DNAJC18: variants seen among roughly 807,000 people sequenced by gnomAD.
The protein encoded by DNAJC18 is dnaJ homolog subfamily C member 18.
A neutral mutation model predicts 48.6 loss-of-function variants in DNAJC18; 40 were observed. That is an observed-to-expected ratio of 0.82 (90% confidence interval 0.64 to 1.07). DNAJC18 has a LOEUF of 1.07. Ranked by LOEUF, DNAJC18 falls within the 50% of genes least tolerant of loss-of-function variation. The pLI is 0.00. For missense variants in DNAJC18, 340 were observed against 427.7 expected (o/e 0.79, Z 1.81); for synonymous variants, 135 against 152.2 (o/e 0.89, Z 0.83).
At chr5:139,422,686 G>GTT (rs1332970893) in intron 6 of DNAJC18, 22 bp downstream of exon 6, 1 of 1,543,484 alleles carries the variant, frequency 6.5e-7, no homozygotes, top group Non-Finnish European at 8.9e-7. Context: ...TACTGAGAAA[G>GTT]ATTTAGAAAT....
At chr5:139,421,365 C>CT (rs1171658604) in intron 6 of DNAJC18, among the ~76,000 whole-genome samples, 1 of 152,126 alleles carries the variant, frequency 6.6e-6, no homozygotes, top group Non-Finnish European at 1.5e-5. Context: ...ATGAGAATCG[C>CT]TTGAACCTGG....
At chr5:139,432,490 G>A (rs1476447053) in intron 2 of DNAJC18, among the ~76,000 whole-genome samples, 1 of 151,884 alleles carries the variant, frequency 6.6e-6, no homozygotes, top group African/African-American at 2.4e-5. Context: ...TTTAGAGACA[G>A]GGTAGGGTCC....
In DNAJC18 at chr5:139,411,672, A is replaced by C. The variant is rs1758997596; in HGVS notation, c.*2476T>G. The stretch of plus-strand genomic sequence containing the variant: ...TGAATGTTGTGGTCTATTGGCAATA[A>C]ATAAAACAGTACCATCGGTGCTATA... On this transcript the variant is annotated 3_prime_UTR_variant, in exon 8 of 8. Transcript: ENST00000302060. 1 of 152,236 alleles carries C rather than the reference A, an allele frequency of 6.6e-6. No individual in the cohort carries two copies. Among genetic ancestry groups the C allele is most frequent in the African/African-American group, 2.4e-5 (1 of 41,460 alleles). The allele number at this position is 152,236 out of a possible 1,614,324, so 9.4% of individuals were successfully genotyped here. A position where few individuals can be genotyped will look rare whatever the true frequency, so the allele number is the denominator to read the frequency against.
intron 7 of DNAJC18, among the ~76,000 whole-genome samples, chr5:139,415,503 G>T (rs1365332666): frequency 1.3e-5 from 2 of 152,212 alleles, no homozygotes; most frequent in Non-Finnish European, 2.9e-5. Flanking sequence ...CCCAGCAGTT[G>T]CTTGGCAAGC....
intron 2 of DNAJC18, among the ~76,000 whole-genome samples, chr5:139,436,523 T>C (rs1041286384): frequency 4.9e-5 from 7 of 142,218 alleles, no homozygotes; most frequent in Non-Finnish European, 1.1e-4. Flanking sequence ...TTCTTTTTTT[T>C]TTTTTTTTTT....
intron 7 of DNAJC18, among the ~76,000 whole-genome samples, chr5:139,417,474 C>T (rs1242265894): frequency 6.6e-6 from 1 of 151,810 alleles, no homozygotes; most frequent in African/African-American, 2.4e-5. Flanking sequence ...TGCATAGCCG[C>T]TGTACTTAAA....
chr5:139,420,245 G>T lies in DNAJC18; in HGVS notation c.780-20C>A, dbSNP rs1249741395. On this transcript the variant is annotated intron_variant, in intron 6 of 7. Coordinates refer to ENST00000302060, the MANE Select transcript of DNAJC18 (RefSeq NM_152686.4). Reference sequence around the variant, plus strand: ...AAGGTCCTGAAACAAGGAGAGAGAGGCTCATGTGAGCTCATAATATTTGGC... The same window carrying T: ...AAGGTCCTGAAACAAGGAGAGAGAGTCTCATGTGAGCTCATAATATTTGGC... 1 of 1,582,922 alleles carries T rather than the reference G, an allele frequency of 6.3e-7. No homozygotes were observed. The highest frequency in any genetic ancestry group is 1.2e-5 in the South Asian group (1 of 84,628).
intron 7 of DNAJC18, chr5:139,419,058 G>T (rs552698332): frequency 4.7e-6 from 2 of 422,582 alleles, no homozygotes; most frequent in African/African-American, 4.1e-5. Flanking sequence ...TGACTGAAGA[G>T]CTAATTTTAT....
At chr5:139,430,087 A>C (rs1275940043) in intron 2 of DNAJC18, among the ~76,000 whole-genome samples, 1 of 152,228 alleles carries the variant, frequency 6.6e-6, no homozygotes, top group Non-Finnish European at 1.5e-5. Context: ...AATTACTGAT[A>C]TGCATGGTAC....
intron 4 of DNAJC18, among the ~76,000 whole-genome samples, 169 bp from the exon 5 acceptor site, chr5:139,425,283 C>T (rs1016845175): frequency 9.2e-5 from 14 of 152,128 alleles, no homozygotes; most frequent in Non-Finnish European, 2.1e-4. Context: ...CCTGCCTCAG[C>T]ATCCTCAGTA....
chr5:139,438,748 T>G (rs1032301312), intron 1 of DNAJC18, among the ~76,000 whole-genome samples: 1 of 152,200 alleles, frequency 6.6e-6, no homozygotes, highest in African/African-American at 2.4e-5. Context: ...TGACAGCCAG[T>G]CTGCGTTAGG....
At chr5:139,428,225 C>T (rs1439087556) in intron 3 of DNAJC18, among the ~76,000 whole-genome samples, 5 of 152,154 alleles carry the variant, frequency 3.3e-5, no homozygotes, top group Admixed American at 1.3e-4. Context: ...GGCAAAACCC[C>T]ATCTCCACAA....
intron 7 of DNAJC18, 38 bp downstream of exon 7, chr5:139,420,015 C>T: frequency 6.6e-7 from 1 of 1,504,894 alleles, no homozygotes; most frequent in Non-Finnish European, 8.8e-7. Flanking sequence ...TGCTGGGAAC[C>T]ACAGCCACCA....
rs1759129454 is a variant in DNAJC18 at position 139,420,121 on chromosome 5, A to G, written c.884T>C (p.Leu295Ser). Residue 295 changes from leucine (L) to serine (S), a missense_variant, in exon 7 of 8, where the codon TTG (leucine) becomes TCG (serine). By Grantham distance (145) the Leu-to-Ser change is moderately radical. Coordinates refer to ENST00000302060, the MANE Select transcript of DNAJC18 (RefSeq NM_152686.4). ...KAYRGASLHD[L>S]EKTIEKDYID... ...GTAATCCTTCTCTATTGTTTTCTCC[A>G]AGTCATGCAGAGAAGCTCCTCTGTA... is the stretch of plus-strand genomic sequence containing the variant. The G allele has an allele frequency of 1.2e-6, 2 of 1,608,530 alleles. No individual in the cohort carries two copies. The highest frequency in any genetic ancestry group is 1.7e-6 in the Non-Finnish European group (2 of 1,178,444).
chr5:139,416,915 G>A (rs1759076825), intron 7 of DNAJC18, among the ~76,000 whole-genome samples: 1 of 152,234 alleles, frequency 6.6e-6, no homozygotes, highest in Non-Finnish European at 1.5e-5. Flanking sequence ...TTGGCCGGGT[G>A]TGGTGGCTCA....
Position 139,420,229 on chromosome 5 carries a change from A to G in DNAJC18, c.780-4T>C. ...AGAAATGGTGTAGCCCAAGGTCCTG[A>G]AACAAGGAGAGAGAGGCTCATGTGA... On this transcript the variant is annotated splice_region_variant and splice_polypyrimidine_tract_variant and intron_variant, in intron 6 of 7. Transcript: ENST00000302060. 1 of 1,604,008 alleles carries G rather than the reference A, an allele frequency of 6.2e-7. No individual in the cohort carries two copies. The highest frequency in any genetic ancestry group is 8.5e-7 in the Non-Finnish European group (1 of 1,177,420).
At chr5:139,425,506 T>C (rs1211229159) in intron 4 of DNAJC18, among the ~76,000 whole-genome samples, 2 of 152,204 alleles carry the variant, frequency 1.3e-5, no homozygotes, top group East Asian at 3.8e-4. Flanking sequence ...GCTAGGTTTG[T>C]TAAGGATAGA....
chr5:139,431,707 G>A (rs895061137), intron 2 of DNAJC18, among the ~76,000 whole-genome samples: 5 of 152,128 alleles, frequency 3.3e-5, no homozygotes, highest in African/African-American at 1.2e-4. Context: ...ATTTCTCTTG[G>A]AATATACTAG....
chr5:139,422,996 C>T (rs901266891), intron 5 of DNAJC18, among the ~76,000 whole-genome samples, 179 bp from the exon 6 acceptor site: 3 of 151,888 alleles, frequency 2.0e-5, no homozygotes, highest in African/African-American at 4.8e-5. Context: ...CCACCACGCC[C>T]GGCTTAGTTT....
Sources: allele counts gnomAD v4.1 joint callset (sites outside exome capture counted in the v4.1 genomes callset), GRCh38; gene constraint gnomAD v4.1.1; transcripts MANE v1.5; gene names NCBI Gene and HGNC (gene_info 2026-07-23, HGNC 2026-07-21).